Variants in DCK observed in about 807,000 individuals in gnomAD.
The protein encoded by DCK is deoxycytidine kinase.
A neutral mutation model predicts 38.3 loss-of-function variants in DCK; 23 were observed. The ratio of observed to expected loss-of-function variants is 0.60; its 90% CI spans 0.43 to 0.85. The LOEUF is 0.85. DCK is among the 40% of genes least tolerant of loss of function. The probability of loss-of-function intolerance (pLI) is 0.00; values close to 1 mark genes in which losing one functional copy is unlikely to be tolerated. For synonymous variants in DCK, 108 were observed against 100.6 expected (o/e 1.07, Z -0.44); for missense variants, 259 against 304.4 (o/e 0.85, Z 1.11).
intron 4 of DCK, 63 bp from the exon 5 acceptor site, chr4:71,025,752 AT>A (rs1740532483): frequency 2.0e-6 from 3 of 1,488,796 alleles, no homozygotes; most frequent in African/African-American, 2.9e-5. Context: ...GAAAATTTTG[AT>A]GGCAGCAGAC....
rs1578429443 is a variant in DCK, at chr4:71,022,587, C to T, written c.401+27C>T. Reference sequence around the variant, plus strand: ...TATGTATAAATGGCTTGTACGTGGCCATTTGAAGTTTTTATCTTAGAACTG... The same window carrying T: ...TATGTATAAATGGCTTGTACGTGGCTATTTGAAGTTTTTATCTTAGAACTG... On this transcript the variant is annotated intron_variant, in intron 3 of 6. Coordinates refer to ENST00000286648, the MANE Select transcript of DCK (RefSeq NM_000788.3). 1.0e-5 allele frequency: 13 copies of T among 1,289,380 alleles called. No homozygotes were observed. The East Asian group carries it at 3.7e-4, about 36-fold the overall frequency. 79.9% of individuals were successfully genotyped at this position (1,289,380 alleles called of 1,614,324 possible). A position where few individuals can be genotyped will look rare whatever the true frequency, so the allele number is the denominator to read the frequency against.
chr4:71,020,979 T>G (rs1444183260), intron 2 of DCK, among the ~76,000 whole-genome samples: 1 of 152,214 alleles, frequency 6.6e-6, no homozygotes. Context: ...CCTACAATGT[T>G]GTCATTGTTT....
At chr4:71,002,858 A>C (rs1055921869) in intron 2 of DCK, among the ~76,000 whole-genome samples, 1 of 152,028 alleles carries the variant, frequency 6.6e-6, no homozygotes, top group Admixed American at 6.5e-5. Flanking sequence ...GTGTCTTTGC[A>C]TGTGAGATGC....
rs549488582 is a variant in DCK, at chr4:71,003,555, C to G, written c.207+5373C>G. Among the ~76,000 whole-genome samples, 25 of 152,268 alleles carry G rather than the reference C, an allele frequency of 1.6e-4. No homozygotes were observed. The South Asian group carries it at 3.9e-3, about 24-fold the overall frequency. On this transcript the variant is annotated intron_variant, in intron 2 of 6. Transcript: ENST00000286648. ...GGATAATAATCCTGAAATGTGTTTT[C>G]CAACTTGGTTCCATTCGTCAGTTTC...
chr4:71,021,781 T>C (rs913605155), intron 2 of DCK, among the ~76,000 whole-genome samples: 2 of 152,036 alleles, frequency 1.3e-5, no homozygotes, highest in Non-Finnish European at 2.9e-5. Context: ...GGCAGGCAGA[T>C]CATGAGGTCA....
At chr4:71,022,073 TA>T (rs1740439094) in intron 2 of DCK, among the ~76,000 whole-genome samples, 1 of 152,222 alleles carries the variant, frequency 6.6e-6, no homozygotes, top group African/African-American at 2.4e-5. Flanking sequence ...ATATTGACAA[TA>T]CTATTGACAA....
intron 2 of DCK, among the ~76,000 whole-genome samples, chr4:71,004,408 G>A (rs373588379): frequency 3.6e-4 from 55 of 152,236 alleles, no homozygotes; most frequent in African/African-American, 1.3e-3. Flanking sequence ...CCTGCTGGGA[G>A]CTGTGTCCTA....
At chr4:71,010,717 A>G (rs1056698174) in intron 2 of DCK, among the ~76,000 whole-genome samples, 14 of 148,140 alleles carry the variant, frequency 9.5e-5, no homozygotes, top group African/African-American at 3.4e-4. Flanking sequence ...TATAATATAA[A>G]AATTATATTT....
chr4:71,022,739 T>C (rs1740461152), intron 3 of DCK, among the ~76,000 whole-genome samples, 179 bp downstream of exon 3: 1 of 152,164 alleles, frequency 6.6e-6, no homozygotes. Context: ...AGGGAAGTTA[T>C]TGCATTTATA....
intron 6 of DCK, among the ~76,000 whole-genome samples, chr4:71,028,200 T>C (rs1041420787): frequency 6.6e-6 from 1 of 152,234 alleles, no homozygotes; most frequent in Non-Finnish European, 1.5e-5. Context: ...CTATTGTGCT[T>C]ATTAATGTTA....
At chr4:71,005,699 T>C (rs1739923650) in intron 2 of DCK, among the ~76,000 whole-genome samples, 1 of 151,674 alleles carries the variant, frequency 6.6e-6, no homozygotes, top group Non-Finnish European at 1.5e-5. Context: ...ATGGGGTTTC[T>C]CCATGTTGGT....
intron 6 of DCK, among the ~76,000 whole-genome samples, chr4:71,028,903 A>C (rs1330155344): frequency 6.6e-6 from 1 of 152,168 alleles, no homozygotes; most frequent in Non-Finnish European, 1.5e-5. Flanking sequence ...GATTACAGGC[A>C]TGTGCCACTA....
At chr4:71,028,686 C>T (rs977210420) in intron 6 of DCK, 3 of 446,154 alleles carry the variant, frequency 6.7e-6, no homozygotes, top group East Asian at 7.5e-5. Context: ...ATCTCCACCT[C>T]CCAGGTTCAA....
At chr4:71,013,733 C>T (rs979970657) in intron 2 of DCK, among the ~76,000 whole-genome samples, 2 of 152,140 alleles carry the variant, frequency 1.3e-5, no homozygotes, top group African/African-American at 4.8e-5. Flanking sequence ...ACCACCAGGC[C>T]TGCCCTACAA....
At chr4:71,015,190 G>T (rs1373952292) in intron 2 of DCK, among the ~76,000 whole-genome samples, 2 of 152,156 alleles carry the variant, frequency 1.3e-5, no homozygotes, top group Admixed American at 6.6e-5. Flanking sequence ...TAGAAGAAAT[G>T]GATAAATTCC....
chr4:71,017,038 A>AC (rs1388888418), intron 2 of DCK, among the ~76,000 whole-genome samples: 1 of 152,252 alleles, frequency 6.6e-6, no homozygotes, highest in Non-Finnish European at 1.5e-5. Flanking sequence ...TACTCATCTG[A>AC]CAAAGGGCTA....
chr4:71,015,082 AG>A (rs1217886992), intron 2 of DCK, among the ~76,000 whole-genome samples: 1 of 152,244 alleles, frequency 6.6e-6, no homozygotes, highest in East Asian at 1.9e-4. Context: ...AAAATGACAA[AG>A]GGAGTATCAC....
intron 3 of DCK, 70 bp downstream of exon 3, chr4:71,022,630 TAATG>T: frequency 1.2e-6 from 1 of 864,350 alleles, no homozygotes; most frequent in Non-Finnish European, 1.6e-6. Context: ...TTTTTTTTTT[TAATG>T]TTTCCTGGGA....
rs998612367 is a variant in DCK, at chr4:71,023,024, A to G, written c.401+464A>G. 1.4e-4 allele frequency among the ~76,000 whole-genome samples: 22 copies of G among 152,174 alleles called. 1 individual carries two copies. Among genetic ancestry groups the G allele is most frequent in the African/African-American group, 5.1e-4 (21 of 41,452 alleles). ...ATCTCAGGGCCCTTTTCAATTCTTA[A>G]TAACTATCGAGGTGTCCAAAGAGCA... On this transcript the variant is annotated intron_variant, in intron 3 of 6. Coordinates refer to ENST00000286648, the MANE Select transcript of DCK (RefSeq NM_000788.3).
Sources: gnomAD v4.1 joint callset for allele counts (sites outside exome capture counted in the v4.1 genomes callset) on GRCh38, gnomAD v4.1.1 for gene constraint, MANE v1.5 for transcripts, NCBI Gene and HGNC (gene_info 2026-07-23, HGNC 2026-07-21) for gene names.